FAM168B: variants seen among roughly 807,000 people sequenced by gnomAD.
The protein encoded by FAM168B is family with sequence similarity 168 member B, also known as myelin-associated neurite-outgrowth inhibitor.
A neutral mutation model predicts 21.8 loss-of-function variants in FAM168B; 19 were observed. The ratio of observed to expected loss-of-function variants is 0.87; its 90% CI spans 0.61 to 1.28. The LOEUF is 1.28. Ranked by LOEUF, FAM168B falls within the 50% of genes most tolerant of loss-of-function variation. The pLI is 0.00. For missense variants in FAM168B, 233 were observed against 263.1 expected (o/e 0.89, Z 0.79); for synonymous variants, 126 against 104.8 (o/e 1.20, Z -1.24).
Position 131,049,150 on chromosome 2 carries a change from G to A in FAM168B, c.*3315C>T. The stretch of plus-strand genomic sequence containing the variant: ...AGGTATTAGTACGTCGCAAGTTGCT[G>A]TAATAATGTATTTCCTCTCGTTACT... On this transcript the variant is annotated 3_prime_UTR_variant, in exon 7 of 7. Coordinates refer to ENST00000389915, the MANE Select transcript of FAM168B (RefSeq NM_001009993.4). 1.0e-6 allele frequency: 1 copy of A among 985,434 alleles called. No individual in the cohort carries two copies. Among genetic ancestry groups the A allele is most frequent in the Non-Finnish European group, 1.2e-6 (1 of 829,934 alleles). 61.0% of individuals were successfully genotyped at this position (985,434 alleles called of 1,614,324 possible).
At chr2:131,075,718 T>G (rs1693118533) in intron 2 of FAM168B, among the ~76,000 whole-genome samples, 1 of 151,906 alleles carries the variant, frequency 6.6e-6, no homozygotes, top group Non-Finnish European at 1.5e-5. Flanking sequence ...TCGATCTACA[T>G]ACCTCGTGAT....
chr2:131,071,763 G>T, intron 3 of FAM168B, 92 bp downstream of exon 3: 2 of 1,118,442 alleles, frequency 1.8e-6, no homozygotes, highest in Non-Finnish European at 2.7e-6. Flanking sequence ...ACTCAACCAA[G>T]TCCTAATTCT....
At chr2:131,075,429 A>C (rs936067395) in intron 2 of FAM168B, among the ~76,000 whole-genome samples, 2 of 152,152 alleles carry the variant, frequency 1.3e-5, no homozygotes, top group African/African-American at 2.4e-5. Flanking sequence ...TGTTTGCTGA[A>C]GATTGTGTTT....
At chr2:131,053,105 G>A (rs1691792589) in intron 5 of FAM168B, 90 bp from the exon 6 acceptor site, 1 of 1,436,860 alleles carries the variant, frequency 7.0e-7, no homozygotes, top group Non-Finnish European at 9.2e-7. Flanking sequence ...CTCTTTGCAA[G>A]GAGGAGGGTA....
intron 2 of FAM168B, among the ~76,000 whole-genome samples, chr2:131,075,096 A>AAT (rs1693072782): frequency 6.6e-6 from 1 of 152,078 alleles, no homozygotes; most frequent in Non-Finnish European, 1.5e-5. Context: ...CGTCAAGGGC[A>AAT]GATTCAACTT....
At position 131,049,293 on chromosome 2, in the gene FAM168B, C is replaced by G; in HGVS notation, c.*3172G>C. 1 of 985,546 alleles carries G rather than the reference C, an allele frequency of 1.0e-6. No individual in the cohort carries two copies. The highest frequency in any genetic ancestry group is 1.2e-6 in the Non-Finnish European group (1 of 830,024). 61.1% of individuals were successfully genotyped at this position (985,546 alleles called of 1,614,324 possible). A position where few individuals can be genotyped will look rare whatever the true frequency, so the allele number is the denominator to read the frequency against. ...CAGCTGGGGAAGGGCAAGACACTCA[C>G]TGACCAGGTGCCCACCCCAAGGCTC... is the stretch of plus-strand genomic sequence containing the variant. On this transcript the variant is annotated 3_prime_UTR_variant, in exon 7 of 7. Transcript: ENST00000389915.
Position 131,049,247 on chromosome 2 carries a change from A to G in FAM168B, c.*3218T>C. On this transcript the variant is annotated 3_prime_UTR_variant, in exon 7 of 7. Coordinates refer to ENST00000389915, the MANE Select transcript of FAM168B (RefSeq NM_001009993.4). ...ATCACAGCCAGATGATGCCACCAGA[A>G]AGAGCAAGGTACTGTATGCCCAGCT... The G allele has an allele frequency of 1.0e-6, 1 of 985,428 alleles. No individual in the cohort carries two copies. Among genetic ancestry groups the G allele is most frequent in the Non-Finnish European group, 1.2e-6 (1 of 829,964 alleles). 61.0% of individuals were successfully genotyped at this position (985,428 alleles called of 1,614,324 possible). A position where few individuals can be genotyped will look rare whatever the true frequency, so the allele number is the denominator to read the frequency against.
At chr2:131,077,421 C>G (rs1693213427) in intron 2 of FAM168B, among the ~76,000 whole-genome samples, 1 of 152,194 alleles carries the variant, frequency 6.6e-6, no homozygotes, top group African/African-American at 2.4e-5. Context: ...ACCCTTGCCC[C>G]AGAGCACCCG....
intron 2 of FAM168B, among the ~76,000 whole-genome samples, chr2:131,076,376 C>G (rs1693152901): frequency 6.6e-6 from 1 of 152,066 alleles, no homozygotes; most frequent in Non-Finnish European, 1.5e-5. Context: ...AGACTGATCA[C>G]CTTGGCCGGG....
At chr2:131,085,474 A>G (rs1331678887) in intron 1 of FAM168B, among the ~76,000 whole-genome samples, 1 of 152,212 alleles carries the variant, frequency 6.6e-6, no homozygotes, top group African/African-American at 2.4e-5. Flanking sequence ...CTTTCTAAAA[A>G]ACAAATGCCT....
At chr2:131,087,461 G>C (rs1187997195) in intron 1 of FAM168B, among the ~76,000 whole-genome samples, 2 of 152,110 alleles carry the variant, frequency 1.3e-5, no homozygotes, top group Admixed American at 6.5e-5. Flanking sequence ...AACAGAGCAA[G>C]ACTCCGTCTC....
chr2:131,064,446 T>G (rs1692455708), intron 3 of FAM168B, among the ~76,000 whole-genome samples: 1 of 152,036 alleles, frequency 6.6e-6, no homozygotes, highest in Admixed American at 6.6e-5. Context: ...AAGGTTACAC[T>G]CAATCAGGCA....
intron 3 of FAM168B, among the ~76,000 whole-genome samples, chr2:131,060,316 G>A (rs752497088): frequency 1.3e-5 from 2 of 152,166 alleles, no homozygotes; most frequent in Admixed American, 6.5e-5. Context: ...GAGCCACCGC[G>A]CCCGGCCGTG....
chr2:131,065,799 GAAAAAAAGAAAAAAA>G (rs1239380257), intron 3 of FAM168B, among the ~76,000 whole-genome samples: 9 of 86,886 alleles, frequency 1.0e-4, no homozygotes, highest in Non-Finnish European at 1.9e-4. Flanking sequence ...AAAAAAAAAA[GAAAAAAAGAAAAAAA>G]AAAAAAAGAA....
intron 3 of FAM168B, among the ~76,000 whole-genome samples, chr2:131,059,940 G>A (rs1369260181): frequency 2.6e-5 from 4 of 152,214 alleles, no homozygotes; most frequent in Non-Finnish European, 2.9e-5. Flanking sequence ...TCAGCCATAA[G>A]GTGGTAACTG....
chr2:131,065,631 A>T (rs544002051), intron 3 of FAM168B, among the ~76,000 whole-genome samples: 8 of 151,938 alleles, frequency 5.3e-5, no homozygotes, highest in Non-Finnish European at 1.0e-4. Flanking sequence ...CTCTACTAAC[A>T]ATACAAAAAT....
At position 131,089,357 on chromosome 2, in the gene FAM168B, G is replaced by A. The variant is rs1294496403; in HGVS notation, c.-12+3857C>T. On this transcript the variant is annotated intron_variant, in intron 1 of 6. Transcript: ENST00000389915. Reference sequence around the variant, plus strand: ...GACACCTGCATTAGAATAGACAAATGTCAGATTACCTTTAAAAAGATGACA... The same window carrying A: ...GACACCTGCATTAGAATAGACAAATATCAGATTACCTTTAAAAAGATGACA... Among the ~76,000 whole-genome samples, 5 of 152,022 alleles carry A rather than the reference G, an allele frequency of 3.3e-5. No individual in the cohort carries two copies. The South Asian group carries it at 1.0e-3, about 31-fold the overall frequency.
chr2:131,069,532 C>G (rs537272614), intron 3 of FAM168B, among the ~76,000 whole-genome samples: 1 of 151,780 alleles, frequency 6.6e-6, no homozygotes, highest in East Asian at 1.9e-4. Context: ...CCTGCTCTGT[C>G]GCTCAGGCTG....
At chr2:131,090,692 T>G (rs1019480806) in intron 1 of FAM168B, among the ~76,000 whole-genome samples, 6 of 152,072 alleles carry the variant, frequency 3.9e-5, no homozygotes, top group Admixed American at 3.9e-4. Context: ...ATAGTGAGAC[T>G]CCCATCTCTA....
Sources: gnomAD v4.1 joint callset for allele counts (sites outside exome capture counted in the v4.1 genomes callset) on GRCh38, gnomAD v4.1.1 for gene constraint, MANE v1.5 for transcripts, NCBI Gene and HGNC (gene_info 2026-07-23, HGNC 2026-07-21) for gene names.